Variants in MR1 observed in about 807,000 individuals in gnomAD.
The protein encoded by MR1 is major histocompatibility complex class I-related protein 1.
MR1 carries 44 observed loss-of-function variants against 37.8 expected under a neutral mutation model. That is an observed-to-expected ratio of 1.16 (90% CI 0.91 to 1.50). The LOEUF (loss-of-function observed/expected upper bound fraction) is 1.50, where lower values mean the gene tolerates loss of function less well. Ranked by LOEUF, MR1 falls within the 40% of genes most tolerant of loss-of-function variation. The probability of loss-of-function intolerance (pLI) is 0.00; values close to 1 mark genes in which losing one functional copy is unlikely to be tolerated. For missense variants in MR1, 386 were observed against 419.1 expected (o/e 0.92, Z 0.69); for synonymous variants, 153 against 155.8 (o/e 0.98, Z 0.13).
Position 181,061,088 on chromosome 1 carries a change from C to G in MR1, c.*5823C>G, listed in dbSNP as rs189890389. The stretch of plus-strand genomic sequence containing the variant: ...CTGGCATGGCTGAGGAAAAAGGACA[C>G]TGAGCACAGCCCGTGCATGAGCGGC... On this transcript the variant is annotated 3_prime_UTR_variant, in exon 6 of 6. Coordinates refer to ENST00000367580, the MANE Select transcript of MR1 (RefSeq NM_001385161.1). 6.6e-6 allele frequency: 1 copy of G among 152,318 alleles called. No individual in the cohort carries two copies. The highest frequency in any genetic ancestry group is 2.4e-5 in the African/African-American group (1 of 41,466). 9.4% of individuals were successfully genotyped at this position (152,318 alleles called of 1,614,324 possible).
Position 181,058,682 on chromosome 1 carries a change from G to A in MR1, c.*3417G>A, listed in dbSNP as rs887159957. ...AACAGATTGTCCACTAGGGAGGCCA[G>A]CTGATCATTTTCTGCCAGAGTCACA... On this transcript the variant is annotated 3_prime_UTR_variant, in exon 6 of 6. Coordinates refer to ENST00000367580, the MANE Select transcript of MR1 (RefSeq NM_001385161.1). The A allele has an allele frequency of 4.6e-5, 7 of 152,382 alleles. No homozygotes were observed. Among genetic ancestry groups the A allele is most frequent in the Admixed American group, 6.5e-5 (1 of 15,280 alleles). The allele number at this position is 152,382 out of a possible 1,614,324, so 9.4% of individuals were successfully genotyped here.
intron 5 of MR1, 71 bp downstream of exon 5, chr1:181,053,748 C>A: frequency 1.8e-6 from 2 of 1,101,678 alleles, no homozygotes; most frequent in Non-Finnish European, 2.8e-6. Flanking sequence ...ATTTTCTGCA[C>A]CTGCTGCTCC....
chr1:181,049,152 C>G lies in MR1; in HGVS notation c.168C>G (p.Thr56=), dbSNP rs1412766706. ...SVGYVDSHPI[T]TYDSVTRQKE... ...GGTACGTGGACTCGCACCCTATCAC[C>G]ACATATGACAGTGTCACTCGGCAGA... The change falls in exon 2 of 6, where the codon ACC becomes ACG. Residue 56 remains threonine (T), a synonymous_variant. Coordinates refer to ENST00000367580, the MANE Select transcript of MR1 (RefSeq NM_001385161.1). 1.2e-5 allele frequency: 19 copies of G among 1,614,208 alleles called. No homozygotes were observed. Among genetic ancestry groups the G allele is most frequent in the East Asian group, 1.1e-4 (5 of 44,890 alleles).
intron 2 of MR1, 192 bp from the exon 3 acceptor site, chr1:181,049,819 A>G (rs1400932126): frequency 2.1e-5 from 13 of 617,080 alleles, no homozygotes; most frequent in Non-Finnish European, 3.7e-5. Flanking sequence ...GGCAGTAGGT[A>G]CTTCACAGAT....
chr1:181,049,471 G>A, intron 2 of MR1, 159 bp downstream of exon 2: 2 of 840,920 alleles, frequency 2.4e-6, no homozygotes, highest in South Asian at 3.6e-5. Flanking sequence ...CCATCTGCCT[G>A]TGCATCTTCT....
chr1:181,043,512 C>G (rs1239385588), intron 1 of MR1, among the ~76,000 whole-genome samples: 1 of 152,142 alleles, frequency 6.6e-6, no homozygotes, highest in Non-Finnish European at 1.5e-5. Flanking sequence ...CACTTAAGGC[C>G]AGGAATTTGA....
rs2102416433 is a variant in MR1, at chr1:181,060,432, C to T, written c.*5167C>T. On this transcript the variant is annotated 3_prime_UTR_variant, in exon 6 of 6. Transcript: ENST00000367580. ...TCTCTACCCAACCTCTGTAGGTTCCCTCAATCCACCAAAATTTTTTGGCTC... is the reference window on the plus strand; with the variant it reads ...TCTCTACCCAACCTCTGTAGGTTCCTTCAATCCACCAAAATTTTTTGGCTC... 6.6e-6 allele frequency: 1 copy of T among 152,286 alleles called. No homozygotes were observed. The highest frequency in any genetic ancestry group is 1.9e-4 in the East Asian group (1 of 5,186). 9.4% of individuals were successfully genotyped at this position (152,286 alleles called of 1,614,324 possible).
Position 181,052,911 on chromosome 1 carries a change from A to T in MR1, c.880+401A>T, listed in dbSNP as rs143252572. Among the ~76,000 whole-genome samples, 1,123 of 152,016 alleles carry T rather than the reference A, an allele frequency of 7.4e-3. 4 individuals are homozygous for T. The highest frequency in any genetic ancestry group is 0.011 in the Non-Finnish European group (739 of 67,966). The stretch of plus-strand genomic sequence containing the variant: ...GTGAAACCCCATCTCTACTAAAAAT[A>T]CAAAAATTAGCCAGGCATGGTGGCG... On this transcript the variant is annotated intron_variant, in intron 4 of 5. Transcript: ENST00000367580.
chr1:181,041,260 T>C (rs1657539757), intron 1 of MR1, among the ~76,000 whole-genome samples: 1 of 152,304 alleles, frequency 6.6e-6, no homozygotes, highest in Admixed American at 6.5e-5. Flanking sequence ...GTAAATATTA[T>C]GTTTGGAGAT....
chr1:181,054,626 C>G (rs1164548792), intron 5 of MR1, among the ~76,000 whole-genome samples: 1 of 151,622 alleles, frequency 6.6e-6, no homozygotes, highest in East Asian at 1.9e-4. Flanking sequence ...CCGAGGCAGG[C>G]GGATCACTTG....
chr1:181,052,377 T>C lies in MR1; in HGVS notation c.747T>C (p.Tyr249=). Residue 249 remains tyrosine (Y), a synonymous_variant, in exon 4 of 6, where the codon TAT becomes TAC. Transcript: ENST00000367580. ...AAGAAATTGTCCAAGAAATTGATTATGGAGACATTCTTCCCAGTGGGGATG... is the reference window on the plus strand; with the variant it reads ...AAGAAATTGTCCAAGAAATTGATTACGGAGACATTCTTCCCAGTGGGGATG... ...NGEEIVQEID[Y]GDILPSGDGT... 1 of 1,614,148 alleles carries C rather than the reference T, an allele frequency of 6.2e-7. No homozygotes were observed. The highest frequency in any genetic ancestry group is 8.5e-7 in the Non-Finnish European group (1 of 1,179,998).
intron 5 of MR1, 139 bp downstream of exon 5, chr1:181,053,816 A>G: frequency 4.7e-6 from 3 of 641,868 alleles, no homozygotes; most frequent in Admixed American, 5.5e-5. Flanking sequence ...GACCTGGGAC[A>G]ACCCTCCCAC....
rs1364935125 is a variant in MR1, at chr1:181,049,251, G to T, written c.267G>T (p.Arg89Ser). The T allele has an allele frequency of 6.2e-6, 10 of 1,614,056 alleles. No homozygotes were observed. Among genetic ancestry groups the T allele is most frequent in the East Asian group, 2.2e-5 (1 of 44,902 alleles). The change falls in exon 2 of 6, where the codon AGG becomes AGT. Residue 89 changes from arginine to serine, a missense_variant. Physicochemically the swap from Arg to Ser is moderately radical, Grantham distance 110. Coordinates refer to ENST00000367580, the MANE Select transcript of MR1 (RefSeq NM_001385161.1). ...GGGAGAGGTACACTCAGCTGCTGAG[G>T]GGCTGGCAGCAGATGTTCAAGGTGG... ...DHWERYTQLL[R>S]GWQQMFKVEL...
chr1:181,034,255 G>A (rs1657158452), intron 1 of MR1, among the ~76,000 whole-genome samples, 181 bp downstream of exon 1: 1 of 152,162 alleles, frequency 6.6e-6, no homozygotes, highest in Admixed American at 6.5e-5. Flanking sequence ...CATATTTGTA[G>A]GATTTTGATG....
At chr1:181,039,604 G>A (rs879492389) in intron 1 of MR1, among the ~76,000 whole-genome samples, 4 of 152,072 alleles carry the variant, frequency 2.6e-5, no homozygotes, top group Admixed American at 1.3e-4. Context: ...GGTGGCTCAC[G>A]CCTGTAATCC....
In MR1 at chr1:181,049,116, T is replaced by C. The variant is rs199952112; in HGVS notation, c.132T>C (p.Phe44=). Residue 44 remains phenylalanine (F), a synonymous_variant, in exon 2 of 6, where the codon TTT becomes TTC. Transcript: ENST00000367580. ...ATCCCATCCATGGGGTCCCTGAATT[T>C]ATTTCGGTTGGGTACGTGGACTCGC... ...VSDPIHGVPE[F]ISVGYVDSHP... is the part of the protein sequence containing the mutation. 1.5e-5 allele frequency: 25 copies of C among 1,614,132 alleles called. No individual in the cohort carries two copies. The East Asian group carries it at 5.6e-4, about 36-fold the overall frequency.
chr1:181,046,094 C>T lies in MR1; in HGVS notation c.68-2958C>T, dbSNP rs951941104. On this transcript the variant is annotated intron_variant, in intron 1 of 5. Coordinates refer to ENST00000367580, the MANE Select transcript of MR1 (RefSeq NM_001385161.1). Reference sequence around the variant, plus strand: ...GGGCAGGGCTTGGGGACCTGCAGCCCGCCATGCCTGAGCCTCCCACCCCCT... The same window carrying T: ...GGGCAGGGCTTGGGGACCTGCAGCCTGCCATGCCTGAGCCTCCCACCCCCT... Among the ~76,000 whole-genome samples, 14 of 152,350 alleles carry T rather than the reference C, an allele frequency of 9.2e-5. 1 individual carries two copies. The highest frequency in any genetic ancestry group is 1.9e-4 in the African/African-American group (8 of 41,576).
chr1:181,058,019 AAAAAT>A lies in MR1; in HGVS notation c.*2762_*2766del, dbSNP rs776635757. The A allele has an allele frequency of 6.6e-6, 1 of 152,250 alleles. No homozygotes were observed. The highest frequency in any genetic ancestry group is 1.5e-5 in the Non-Finnish European group (1 of 68,050). 9.4% of individuals were successfully genotyped at this position (152,250 alleles called of 1,614,324 possible). ...GAGTGAAACTCCATCTCAAAAAAAT[AAAAAT>A]AAAATAAGTAAGTAATACCTAAAAT... On this transcript the variant is annotated 3_prime_UTR_variant, in exon 6 of 6. Coordinates refer to ENST00000367580, the MANE Select transcript of MR1 (RefSeq NM_001385161.1).
intron 1 of MR1, among the ~76,000 whole-genome samples, chr1:181,035,996 C>G (rs113343016): frequency 0.03 from 4,493 of 152,160 alleles, 95 homozygotes; most frequent in Non-Finnish European, 0.048. Flanking sequence ...ACTGCATCAC[C>G]TAGACTCTCT....
Sources: gnomAD v4.1 joint callset for allele counts (sites outside exome capture counted in the v4.1 genomes callset) on GRCh38, gnomAD v4.1.1 for gene constraint, MANE v1.5 for transcripts, NCBI Gene and HGNC (gene_info 2026-07-23, HGNC 2026-07-21) for gene names.